BACH2: variants seen among roughly 807,000 people sequenced by gnomAD.
BACH2 encodes the protein transcription regulator protein BACH2.
A neutral mutation model predicts 61.8 loss-of-function variants in BACH2; 5 were observed. That is an observed-to-expected ratio of 0.08 (90% CI 0.04 to 0.17). The LOEUF is 0.17. Among genes scored for constraint, BACH2 ranks in the 10% least tolerant of loss-of-function variants. The pLI, the probability that BACH2 is intolerant of heterozygous loss-of-function variation, is 1.00. For missense variants in BACH2, 824 were observed against 1,091.1 expected (o/e 0.76, Z 3.45); for synonymous variants, 446 against 440.1 (o/e 1.01, Z -0.17).
At chr6:90,014,783 TTTTA>T (rs1777966776) in intron 5 of BACH2, among the ~76,000 whole-genome samples, 1 of 151,716 alleles carries the variant, frequency 6.6e-6, no homozygotes, top group African/African-American at 2.4e-5. Context: ...TTTTTATTTT[TTTTA>T]TTTTTTAAAG....
At chr6:90,156,611 A>G (rs189991135) in intron 4 of BACH2, among the ~76,000 whole-genome samples, 2 of 152,292 alleles carry the variant, frequency 1.3e-5, no homozygotes, top group Admixed American at 1.3e-4. Context: ...AGTTTCTACT[A>G]CCAAACAAGT....
intron 7 of BACH2, among the ~76,000 whole-genome samples, chr6:89,943,398 T>C (rs1171631474): frequency 2.0e-5 from 3 of 152,026 alleles, no homozygotes; most frequent in African/African-American, 7.2e-5. Flanking sequence ...AAAGGAAACA[T>C]TGAAAAATTA....
At chr6:90,163,364 T>C (rs539841573) in intron 4 of BACH2, among the ~76,000 whole-genome samples, 1 of 152,308 alleles carries the variant, frequency 6.6e-6, no homozygotes, top group East Asian at 1.9e-4. Context: ...GATAAGTATT[T>C]ACAACACAGA....
chr6:90,050,093 A>G (rs1779969497), intron 5 of BACH2, among the ~76,000 whole-genome samples: 1 of 152,218 alleles, frequency 6.6e-6, no homozygotes, highest in Non-Finnish European at 1.5e-5. Flanking sequence ...TCCTACTGTA[A>G]GCTTGGCAGC....
chr6:90,288,537 G>C (rs1165917070), intron 1 of BACH2, among the ~76,000 whole-genome samples: 1 of 152,066 alleles, frequency 6.6e-6, no homozygotes, highest in Non-Finnish European at 1.5e-5. Context: ...TCTGGCCCAG[G>C]CAGAGCTGAG....
chr6:90,186,238 G>A (rs1768351032), intron 4 of BACH2, among the ~76,000 whole-genome samples: 1 of 152,094 alleles, frequency 6.6e-6, no homozygotes. Context: ...AATACAGGGA[G>A]ACACACACAA....
At chr6:90,292,646 T>C (rs998800311) in intron 1 of BACH2, among the ~76,000 whole-genome samples, 1 of 152,230 alleles carries the variant, frequency 6.6e-6, no homozygotes, top group Non-Finnish European at 1.5e-5. Context: ...TAACCATTCA[T>C]TGGGTGCATA....
rs562046950 is a variant in BACH2 at position 90,099,440 on chromosome 6, G to A, written c.-161-10331C>T. On this transcript the variant is annotated intron_variant, in intron 4 of 8. Transcript: ENST00000257749. ...GTCACCCAGGCTGGAGTACAGTGGC[G>A]TGATCATAGCTCACTGCATCCTCGA... Among the ~76,000 whole-genome samples, 740 of 152,280 alleles carry A rather than the reference G, an allele frequency of 4.9e-3. 3 individuals carry two copies. Among genetic ancestry groups the A allele is most frequent in the Non-Finnish European group, 8.6e-3 (585 of 68,026 alleles).
intron 4 of BACH2, among the ~76,000 whole-genome samples, chr6:90,101,504 C>T (rs1268332064): frequency 1.3e-5 from 2 of 152,192 alleles, no homozygotes; most frequent in African/African-American, 4.8e-5. Context: ...GTTCTTTCCT[C>T]ATCAAATTGT....
At chr6:90,246,842 T>A (rs1435439715) in intron 3 of BACH2, among the ~76,000 whole-genome samples, 1 of 152,162 alleles carries the variant, frequency 6.6e-6, no homozygotes, top group Admixed American at 6.5e-5. Flanking sequence ...CTCACTTACA[T>A]AGAATTTGAT....
chr6:89,951,317 G>A lies in BACH2; in HGVS notation c.789C>T (p.Ser263=), dbSNP rs1456945983. Residue 263 remains serine, a synonymous_variant, in exon 7 of 9, where the codon AGC becomes AGT. Coordinates refer to ENST00000257749, the MANE Select transcript of BACH2 (RefSeq NM_021813.4). The surrounding 1 kb of genome is among the most constrained non-coding windows in gnomAD (Gnocchi z 6.4). ...TGGCAAGCCCCGGCTTGAGGCTGTT[G>A]CTAGAGTTATCTTCCCGGAATGTGC... ...FASTFREDNS[S]NSLKPGLARG... The A allele has an allele frequency of 6.2e-7, 1 of 1,614,208 alleles. No individual in the cohort carries two copies. Among genetic ancestry groups the A allele is most frequent in the Middle Eastern group, 1.6e-4 (1 of 6,062 alleles).
intron 6 of BACH2, among the ~76,000 whole-genome samples, chr6:89,954,395 C>T (rs951623321): frequency 6.6e-6 from 1 of 150,802 alleles, no homozygotes; most frequent in Non-Finnish European, 1.5e-5. Flanking sequence ...GTGTGCTGCA[C>T]CCATTAACTA....
intron 1 of BACH2, among the ~76,000 whole-genome samples, chr6:90,281,385 A>G (rs2127886803): frequency 6.6e-6 from 1 of 152,356 alleles, no homozygotes; most frequent in Non-Finnish European, 1.5e-5. Flanking sequence ...ATATATAAAA[A>G]ACATAGACAG....
At chr6:90,268,762 T>C (rs764868754) in intron 2 of BACH2, among the ~76,000 whole-genome samples, 3 of 152,180 alleles carry the variant, frequency 2.0e-5, no homozygotes, top group Admixed American at 6.5e-5. Flanking sequence ...ATGTTCATAA[T>C]GATAAAACAT....
chr6:89,932,395 C>T lies in BACH2; in HGVS notation c.*13G>A. 1.9e-6 allele frequency: 3 copies of T among 1,601,792 alleles called. No individual in the cohort carries two copies. Among genetic ancestry groups the T allele is most frequent in the Non-Finnish European group, 2.6e-6 (3 of 1,170,060 alleles). On this transcript the variant is annotated 3_prime_UTR_variant, in exon 9 of 9. Coordinates refer to ENST00000257749, the MANE Select transcript of BACH2 (RefSeq NM_021813.4). ...TGGGAGAGGTGTGCGGACTGGGAGG[C>T]AGAGCCGAGTCACTAGGTATAATCT...
chr6:90,033,871 A>G (rs1236774695), intron 5 of BACH2, among the ~76,000 whole-genome samples: 1 of 152,188 alleles, frequency 6.6e-6, no homozygotes, highest in Non-Finnish European at 1.5e-5. Context: ...CAGAGCTTTT[A>G]CTGGTTACCT....
At chr6:90,266,154 C>A (rs1164171185) in intron 2 of BACH2, among the ~76,000 whole-genome samples, 7 of 152,136 alleles carry the variant, frequency 4.6e-5, no homozygotes, top group African/African-American at 9.6e-5. Flanking sequence ...ATGTTCCTTG[C>A]GGCCACTGCA....
At chr6:90,004,608 G>A (rs575358135) in intron 6 of BACH2, among the ~76,000 whole-genome samples, 1 of 152,268 alleles carries the variant, frequency 6.6e-6, no homozygotes, top group Non-Finnish European at 1.5e-5. Context: ...ATCTTCTAAG[G>A]AAGCACATCC....
intron 6 of BACH2, among the ~76,000 whole-genome samples, chr6:89,962,541 T>C (rs1774806798): frequency 6.6e-6 from 1 of 152,192 alleles, no homozygotes; most frequent in Non-Finnish European, 1.5e-5. Context: ...CATGTTCCCA[T>C]AGTTGTTCGT....
Sources: allele counts gnomAD v4.1 joint callset (sites outside exome capture counted in the v4.1 genomes callset), GRCh38; gene constraint gnomAD v4.1.1; non-coding constraint Gnocchi (gnomAD v3.1); transcripts MANE v1.5; gene names NCBI Gene and HGNC (gene_info 2026-07-23, HGNC 2026-07-21).